ANK3: variants seen among roughly 807,000 people sequenced by gnomAD.
ANK3 encodes ankyrin-3.
In ANK3, 57 loss-of-function variants were observed where a neutral mutation model predicts 370.9. That is an observed-to-expected ratio of 0.15 (90% CI 0.12 to 0.19). The LOEUF is 0.19. Among genes scored for constraint, ANK3 ranks in the 10% least tolerant of loss-of-function variants. The pLI is 1.00. For synonymous variants in ANK3, 1,929 were observed against 1,946.3 expected (o/e 0.99, Z 0.23); for missense variants, 4,439 against 5,302.1 (o/e 0.84, Z 5.06).
Position 60,518,345 on chromosome 10 carries a change from G to A in ANK3, c.96+96841C>T, listed in dbSNP as rs951930130. 3.3e-5 allele frequency among the ~76,000 whole-genome samples: 5 copies of A among 152,200 alleles called. No homozygotes were observed. In the East Asian group the frequency reaches 7.7e-4, roughly 24 times the overall value. On this transcript the variant is annotated intron_variant, in intron 2 of 43. Coordinates refer to the ANK3 transcript ENST00000373827. ...CAGTGACACGTAGCAGGCCTATACT[G>A]TTGCTGCTCTGGCCTCCTTGAGCCA...
chr10:60,522,363 T>C (rs1486406542), intron 2 of ANK3, among the ~76,000 whole-genome samples: 2 of 150,122 alleles, frequency 1.3e-5, no homozygotes, highest in Non-Finnish European at 3.0e-5. Flanking sequence ...TTTTTTTCTG[T>C]AGCCAATGCA....
chr10:60,522,545 T>C (rs1332713635), intron 2 of ANK3, among the ~76,000 whole-genome samples: 1 of 152,064 alleles, frequency 6.6e-6, no homozygotes, highest in Non-Finnish European at 1.5e-5. Context: ...ACCCATTCTC[T>C]AGCTTTGGGC....
intron 2 of ANK3, among the ~76,000 whole-genome samples, chr10:60,464,977 G>T (rs1010496249): frequency 1.3e-5 from 2 of 152,098 alleles, no homozygotes; most frequent in East Asian, 3.9e-4. Context: ...CTCATGAGAA[G>T]TTCCTGCTCC....
intron 1 of ANK3, among the ~76,000 whole-genome samples, chr10:60,366,700 G>T (rs2059430811): frequency 6.6e-6 from 1 of 152,128 alleles, no homozygotes; most frequent in South Asian, 2.1e-4. Context: ...GAGTAACTTG[G>T]TAGCCAACTG....
At chr10:60,678,350 G>C (rs2079153193) in intron 1 of ANK3, among the ~76,000 whole-genome samples, 1 of 152,062 alleles carries the variant, frequency 6.6e-6, no homozygotes, top group Non-Finnish European at 1.5e-5. Flanking sequence ...GATTACTTAA[G>C]AAACAATTTA....
intron 8 of ANK3, among the ~76,000 whole-genome samples, chr10:60,217,362 T>C (rs2096956515): frequency 6.6e-6 from 1 of 152,194 alleles, no homozygotes; most frequent in Admixed American, 6.5e-5. Context: ...GGTGTCGATC[T>C]GAGATCTTTC....
chr10:60,415,923 A>ACCCCC (rs60397919), intron 2 of ANK3, among the ~76,000 whole-genome samples: 14 of 62,654 alleles, frequency 2.2e-4, no homozygotes, highest in Non-Finnish European at 3.4e-4. Context: ...TGTGCCCCCC[A>ACCCCC]CCCCCCCGCC....
intron 2 of ANK3, among the ~76,000 whole-genome samples, chr10:60,411,418 G>C (rs1398561151): frequency 1.3e-5 from 2 of 152,180 alleles, no homozygotes; most frequent in African/African-American, 4.8e-5. Flanking sequence ...TTTTCTTGAT[G>C]GTTCTTTTGT....
Position 60,595,627 on chromosome 10 carries a change from T to C in ANK3, c.96+19559A>G, listed in dbSNP as rs146989115. On this transcript the variant is annotated intron_variant, in intron 2 of 43. Coordinates refer to the ANK3 transcript ENST00000373827. The stretch of plus-strand genomic sequence containing the variant: ...TGGCTGTGTGACTCCTGAGCTATAA[T>C]TTCCAATCCTGTGGCTAATTTGTTA... 2.8e-3 allele frequency among the ~76,000 whole-genome samples: 424 copies of C among 152,308 alleles called. 1 individual carries two copies. Among genetic ancestry groups the C allele is most frequent in the Non-Finnish European group, 4.4e-3 (300 of 68,034 alleles).
intron 32 of ANK3, 90 bp from the exon 33 acceptor site, chr10:60,083,707 G>A (rs935627761): frequency 4.0e-5 from 44 of 1,100,064 alleles, no homozygotes; most frequent in African/African-American, 1.6e-4. Flanking sequence ...AAAGACTGAC[G>A]TTACTATGTT....
intron 7 of ANK3, among the ~76,000 whole-genome samples, chr10:60,253,857 AATGT>A (rs1188069771): frequency 1.3e-5 from 2 of 152,230 alleles, no homozygotes; most frequent in African/African-American, 4.8e-5. Flanking sequence ...ATAAAAAAGA[AATGT>A]ATGTGTGTGT....
intron 38 of ANK3, among the ~76,000 whole-genome samples, chr10:60,067,492 T>C (rs2081890375): frequency 1.3e-5 from 2 of 152,200 alleles, no homozygotes; most frequent in Non-Finnish European, 2.9e-5. Context: ...AGTGAATGAC[T>C]AAAATTTGTG....
chr10:60,391,718 C>T (rs184700075), upstream of ANK3, among the ~76,000 whole-genome samples: 508 of 152,318 alleles, frequency 3.3e-3, 4 homozygotes, highest in Non-Finnish European at 5.3e-3. Flanking sequence ...GCTGGCAAAG[C>T]ACTATACTTT....
At chr10:60,492,742 A>G (rs1387528704) in intron 2 of ANK3, among the ~76,000 whole-genome samples, 16 of 148,862 alleles carry the variant, frequency 1.1e-4, no homozygotes, top group Admixed American at 6.0e-4. Flanking sequence ...AGAAAGAAAA[A>G]AAAAAGAAAT....
chr10:60,384,203 G>C (rs1325510001), intron 1 of ANK3, among the ~76,000 whole-genome samples: 1 of 152,092 alleles, frequency 6.6e-6, no homozygotes, highest in African/African-American at 2.4e-5. Flanking sequence ...CATACAACAG[G>C]CATCTAACAC....
intron 28 of ANK3, among the ~76,000 whole-genome samples, chr10:60,103,343 GC>G (rs1192573226): frequency 2.0e-5 from 3 of 152,116 alleles, no homozygotes; most frequent in Non-Finnish European, 4.4e-5. Context: ...TTATTCAGTA[GC>G]AAAATGGGAG....
intron 1 of ANK3, among the ~76,000 whole-genome samples, chr10:60,711,298 T>G (rs1353108607): frequency 6.6e-6 from 1 of 152,050 alleles, no homozygotes; most frequent in Non-Finnish European, 1.5e-5. Flanking sequence ...ATTGCATGCC[T>G]GTATCAAAAC....
chr10:60,566,446 G>A (rs1480227945), intron 2 of ANK3, among the ~76,000 whole-genome samples: 2 of 152,202 alleles, frequency 1.3e-5, no homozygotes, highest in Admixed American at 1.3e-4. Context: ...TCACTAGTGA[G>A]CCAAATTATG....
Position 60,196,636 on chromosome 10 carries a change from A to AAAC in ANK3, c.1690-12_1690-11insGTT, listed in dbSNP as rs1297077879. 6.5e-7 allele frequency: 1 copy of AAAC among 1,534,204 alleles called. No individual in the cohort carries two copies. The highest frequency in any genetic ancestry group is 1.4e-5 in the African/African-American group (1 of 72,332). On this transcript the variant is annotated splice_polypyrimidine_tract_variant and intron_variant, in intron 14 of 43. Transcript: ENST00000280772. ...AGGAGTAAATCCTTTCTGAAAAAAA[A>AAAC]AAAACATAAAAATAATGAACAATAG... is the stretch of plus-strand genomic sequence containing the variant.
Sources: allele counts gnomAD v4.1 joint callset (sites outside exome capture counted in the v4.1 genomes callset), GRCh38; gene constraint gnomAD v4.1.1; transcripts MANE v1.5; gene names NCBI Gene and HGNC (gene_info 2026-07-23, HGNC 2026-07-21).